MSRA: variants seen among roughly 807,000 people sequenced by gnomAD.
MSRA encodes the protein mitochondrial peptide methionine sulfoxide reductase.
A neutral mutation model predicts 31.3 loss-of-function variants in MSRA; 54 were observed. That is an observed-to-expected ratio of 1.73 (90% CI 1.39 to 2.17). MSRA has a LOEUF of 2.17. Ranked by LOEUF, MSRA falls within the 30% of genes most tolerant of loss-of-function variation. MSRA has a pLI of 0.00. For synonymous variants in MSRA, 169 were observed against 116.5 expected, an observed-to-expected ratio of 1.45 and a Z score of -2.90; for missense variants, 507 against 300.9, an observed-to-expected ratio of 1.69 and a Z score of -5.07.
intron 3 of MSRA, among the ~76,000 whole-genome samples, chr8:10,281,893 AT>A (rs200862065): frequency 0.017 from 2,654 of 152,132 alleles, 29 homozygotes; most frequent in Non-Finnish European, 0.025. Context: ...TTCTAATTAT[AT>A]TTTTTTCCCT....
chr8:10,393,176 C>T (rs372479936), intron 5 of MSRA, among the ~76,000 whole-genome samples: 6 of 151,748 alleles, frequency 4.0e-5, no homozygotes, highest in African/African-American at 1.5e-4. Context: ...GTGGGGAGAA[C>T]AGAAAGCAGC....
chr8:10,297,359 T>A (rs1800602128), intron 3 of MSRA, among the ~76,000 whole-genome samples: 1 of 152,248 alleles, frequency 6.6e-6, no homozygotes, highest in Admixed American at 6.5e-5. Flanking sequence ...AACAGCAACG[T>A]TAAAGCCCCC....
chr8:10,289,118 C>G (rs1031718450), intron 3 of MSRA, among the ~76,000 whole-genome samples: 3 of 151,994 alleles, frequency 2.0e-5, no homozygotes, highest in African/African-American at 7.2e-5. Flanking sequence ...CAGGTTCAAG[C>G]CATTCTCCTG....
intron 3 of MSRA, among the ~76,000 whole-genome samples, chr8:10,258,293 A>G (rs1369642585): frequency 6.6e-6 from 1 of 152,166 alleles, no homozygotes; most frequent in Admixed American, 6.5e-5. Context: ...CACTACAATG[A>G]AAAGAACTCC....
intron 1 of MSRA, among the ~76,000 whole-genome samples, chr8:10,200,388 A>C (rs1346555304): frequency 6.6e-6 from 1 of 152,206 alleles, no homozygotes; most frequent in Non-Finnish European, 1.5e-5. Context: ...GGGGGAGAGC[A>C]GTGAGCTGCC....
At chr8:10,403,534 G>A (rs1046412624) in intron 5 of MSRA, among the ~76,000 whole-genome samples, 22 of 152,312 alleles carry the variant, frequency 1.4e-4, no homozygotes, top group Middle Eastern at 6.8e-3. Flanking sequence ...GGAGGTGCTC[G>A]CTGGGGAAGG....
At chr8:10,416,216 C>G (rs1011686432) in intron 5 of MSRA, among the ~76,000 whole-genome samples, 1 of 152,204 alleles carries the variant, frequency 6.6e-6, no homozygotes, top group African/African-American at 2.4e-5. Context: ...CTGTGTTCCT[C>G]GTGCCTAGCC....
At chr8:10,205,570 A>G (rs1361131202) in intron 1 of MSRA, among the ~76,000 whole-genome samples, 2 of 152,226 alleles carry the variant, frequency 1.3e-5, no homozygotes, top group African/African-American at 4.8e-5. Context: ...GGCCATCGAC[A>G]GACCTTGATG....
intron 2 of MSRA, among the ~76,000 whole-genome samples, chr8:10,237,894 A>T (rs1396764230): frequency 2.0e-5 from 3 of 152,170 alleles, no homozygotes; most frequent in Non-Finnish European, 4.4e-5. Flanking sequence ...TTTCTTAACC[A>T]TTCACTGCAT....
At chr8:10,198,213 C>T (rs1808167340) in intron 1 of MSRA, among the ~76,000 whole-genome samples, 3 of 151,958 alleles carry the variant, frequency 2.0e-5, no homozygotes, top group Admixed American at 1.3e-4. Flanking sequence ...GCAAAATCAC[C>T]CATAAATCAG....
intron 1 of MSRA, among the ~76,000 whole-genome samples, chr8:10,131,717 C>T (rs1283450414): frequency 6.6e-6 from 1 of 152,202 alleles, no homozygotes; most frequent in African/African-American, 2.4e-5. Flanking sequence ...CTCTCATTCC[C>T]TATGGCCAGT....
chr8:10,217,653 C>G (rs377222555), intron 2 of MSRA, among the ~76,000 whole-genome samples: 2 of 152,178 alleles, frequency 1.3e-5, no homozygotes, highest in South Asian at 2.1e-4. Flanking sequence ...ACTCCCTCCC[C>G]CTCTTCTATC....
chr8:10,179,822 C>T (rs1806379242), intron 1 of MSRA, among the ~76,000 whole-genome samples: 1 of 152,174 alleles, frequency 6.6e-6, no homozygotes, highest in Non-Finnish European at 1.5e-5. Flanking sequence ...GGCCTGATAC[C>T]TTCCGATGCC....
At chr8:10,171,535 T>C (rs1805588875) in intron 1 of MSRA, among the ~76,000 whole-genome samples, 1 of 152,176 alleles carries the variant, frequency 6.6e-6, no homozygotes, top group African/African-American at 2.4e-5. Flanking sequence ...TACTACTGAG[T>C]AAAATGTAAG....
At chr8:10,215,251 T>A (rs1444238263) in intron 2 of MSRA, among the ~76,000 whole-genome samples, 1 of 152,214 alleles carries the variant, frequency 6.6e-6, no homozygotes. Context: ...CTGTAAAGAA[T>A]TCAGAATTCC....
intron 5 of MSRA, among the ~76,000 whole-genome samples, chr8:10,348,727 C>T (rs73536239): frequency 0.028 from 4,244 of 152,206 alleles, 196 homozygotes; most frequent in African/African-American, 0.095. Context: ...ATATTTATCT[C>T]CTTACTCATT....
chr8:10,207,070 G>T (rs972535543), intron 1 of MSRA, among the ~76,000 whole-genome samples: 13 of 152,124 alleles, frequency 8.5e-5, no homozygotes, highest in Non-Finnish European at 1.9e-4. Context: ...ACCTGCTGAG[G>T]ATATTATTTA....
chr8:10,271,938 C>G (rs964383553), intron 3 of MSRA, among the ~76,000 whole-genome samples: 17 of 152,194 alleles, frequency 1.1e-4, no homozygotes, highest in Admixed American at 3.3e-4. Context: ...GAACTCTCAA[C>G]CTAAGGTGAC....
At chr8:10,335,769 C>T (rs931680855) in intron 5 of MSRA, among the ~76,000 whole-genome samples, 3 of 152,198 alleles carry the variant, frequency 2.0e-5, no homozygotes, top group African/African-American at 7.2e-5. Context: ...ACCTGCCTTC[C>T]CCAACATAGG....
Sources: allele counts gnomAD v4.1 joint callset (sites outside exome capture counted in the v4.1 genomes callset), GRCh38; gene constraint gnomAD v4.1.1; transcripts MANE v1.5; gene names NCBI Gene and HGNC (gene_info 2026-07-23, HGNC 2026-07-21).